The following CARD14 variants were observed in gnomAD, a reference collection of about 807,000 sequenced individuals.
The protein encoded by CARD14 is caspase recruitment domain-containing protein 14.
In CARD14, 107 loss-of-function variants were observed where a neutral mutation model predicts 111.5. That is an observed-to-expected ratio of 0.96 (90% CI 0.82 to 1.13). The LOEUF (loss-of-function observed/expected upper bound fraction) is 1.13, where lower values mean the gene tolerates loss of function less well. CARD14 is among the 50% of genes most tolerant of loss of function. The pLI is 0.00. For missense variants in CARD14, 1,322 were observed against 1,362.3 expected, an observed-to-expected ratio of 0.97 and a Z score of 0.47; for synonymous variants, 617 against 579.6, an observed-to-expected ratio of 1.06 and a Z score of -0.93.
intron 21 of CARD14, 36 bp downstream of exon 21, chr17:80,205,241 A>AC: frequency 6.4e-7 from 1 of 1,552,460 alleles, no homozygotes; most frequent in Non-Finnish European, 8.8e-7. Flanking sequence ...TACCCCTTCC[A>AC]CCTTCCCTCC....
Position 80,183,886 on chromosome 17 carries a change from C to T in CARD14, c.350-27C>T, listed in dbSNP as rs374135412. On this transcript the variant is annotated intron_variant, in intron 6 of 23. Transcript: ENST00000648509. ...CACCTATTACCTCCCTACCTGCTCACTTGCTCACCTGCCCATCTGCCCACA... is the reference window on the plus strand; with the variant it reads ...CACCTATTACCTCCCTACCTGCTCATTTGCTCACCTGCCCATCTGCCCACA... 5.5e-6 allele frequency: 8 copies of T among 1,458,588 alleles called. No individual in the cohort carries two copies. In the African/African-American group the frequency reaches 1.1e-4, roughly 21 times the overall value. The allele number at this position is 1,458,588 out of a possible 1,614,324, so 90.4% of individuals were successfully genotyped here.
Position 80,192,523 on chromosome 17 carries a change from C to T in CARD14, c.1260C>T (p.Thr420=). 1.2e-6 allele frequency: 2 copies of T among 1,613,684 alleles called. No individual in the cohort carries two copies. Among genetic ancestry groups the T allele is most frequent in the Non-Finnish European group, 1.7e-6 (2 of 1,179,836 alleles). ...PPGVLKQEAR[T]REPCPREKQR... is the part of the protein sequence containing the mutation. ...GGCAGCTCAAGCAGGAAGCCAGGAC[C>T]AGGGAGCCCTGTCCACGGGAGAAGC... The change falls in exon 12 of 24, where the codon ACC becomes ACT. Residue 420 remains threonine, a synonymous_variant. Transcript: ENST00000648509.
Position 80,202,194 on chromosome 17 carries a change from C to T in CARD14, c.1993C>T (p.Leu665Phe), listed in dbSNP as rs1403438866. Residue 665 changes from leucine (L) to phenylalanine (F), a missense_variant, in exon 18 of 24, where the codon CTC becomes TTC. Leu to Phe is a conservative substitution (Grantham distance 22, BLOSUM62 0). Transcript: ENST00000648509. ...CCTTTTATCAGGTTATAAGAGGCTA[C>T]TCCAGGACCTGGAGGCCAAAGTGGC... ...KVNTDGYKRLLQDLEAKVATS... is the reference protein window; with the variant it reads ...KVNTDGYKRLFQDLEAKVATS... 2 of 1,613,822 alleles carry T rather than the reference C, an allele frequency of 1.2e-6. No individual in the cohort carries two copies. The highest frequency in any genetic ancestry group is 2.2e-5 in the East Asian group (1 of 44,872).
At position 80,198,754 on chromosome 17, in the gene CARD14, T is replaced by C. The variant is rs1287468216; in HGVS notation, c.1851+163T>C. ...TGACGTAAAGCGTTCTGCTCATTTATAGATGAGAGTCGTGCCGTGCAGAAC... is the reference window on the plus strand; with the variant it reads ...TGACGTAAAGCGTTCTGCTCATTTACAGATGAGAGTCGTGCCGTGCAGAAC... On this transcript the variant is annotated intron_variant, in intron 16 of 23. Transcript: ENST00000648509. This position sits in a 1 kb window ranked among gnomAD's most constrained non-coding sequence, Gnocchi z 7.5. 6.5e-7 allele frequency: 1 copy of C among 1,528,614 alleles called. No individual in the cohort carries two copies. The highest frequency in any genetic ancestry group is 1.9e-5 in the Admixed American group (1 of 51,832). The allele number at this position is 1,528,614 out of a possible 1,614,324, so 94.7% of individuals were successfully genotyped here. A position where few individuals can be genotyped will look rare whatever the true frequency, so the allele number is the denominator to read the frequency against.
chr17:80,205,464 T>G, intron 21 of CARD14, 67 bp from the exon 22 acceptor site: 1 of 1,549,302 alleles, frequency 6.5e-7, no homozygotes, highest in Non-Finnish European at 8.7e-7. Flanking sequence ...CAGGGGTGTT[T>G]ACCATGGGAC....
At chr17:80,180,462 T>C (rs2040134784) in intron 4 of CARD14, among the ~76,000 whole-genome samples, 1 of 152,212 alleles carries the variant, frequency 6.6e-6, no homozygotes, top group African/African-American at 2.4e-5. Flanking sequence ...TTGTGCCCAG[T>C]GTCACTCCCC....
rs71365590 is a variant in CARD14 at position 80,176,105 on chromosome 17, CT to C, written c.-366-2388del. ...ATGAGCCACTGCACCAAGCCTGGATCTTTTTTTTTTTTTTTAAACAACTTTG... is the reference window on the plus strand; with the variant it reads ...ATGAGCCACTGCACCAAGCCTGGATCTTTTTTTTTTTTTTAAACAACTTTG... On this transcript the variant is annotated intron_variant, in intron 2 of 23. Transcript: ENST00000648509. Among the ~76,000 whole-genome samples, 599 of 135,476 alleles carry C rather than the reference CT, an allele frequency of 4.4e-3. 1 individual carries two copies. Among genetic ancestry groups the C allele is most frequent in the Admixed American group, 5.2e-3 (69 of 13,318 alleles). 88.9% of individuals were successfully genotyped at this position (135,476 alleles called of 152,430 possible). A position where few individuals can be genotyped will look rare whatever the true frequency, so the allele number is the denominator to read the frequency against.
chr17:80,192,587 G>A lies in CARD14; in HGVS notation c.1324G>A (p.Asp442Asn), dbSNP rs868861597. The A allele has an allele frequency of 5.0e-6, 8 of 1,613,148 alleles. No individual in the cohort carries two copies. The highest frequency in any genetic ancestry group is 3.3e-5 in the South Asian group (3 of 91,028). The change falls in exon 12 of 24, where the codon GAC becomes AAC. Residue 442 changes from aspartate to asparagine, a missense_variant. Physicochemically the swap from Asp to Asn is conservative, Grantham distance 23. Coordinates refer to ENST00000648509, the MANE Select transcript of CARD14 (RefSeq NM_001366385.1). ...VRMHAICPRDDSDCSLVSSTE... is the reference protein window; with the variant it reads ...VRMHAICPRDNSDCSLVSSTE... ...GATGCATGCCATCTGCCCCAGAGACGACAGCGACTGCAGCCTCGTCAGCTC... is the reference window on the plus strand; with the variant it reads ...GATGCATGCCATCTGCCCCAGAGACAACAGCGACTGCAGCCTCGTCAGCTC...
intron 9 of CARD14, 139 bp from the exon 10 acceptor site, chr17:80,190,635 A>T: frequency 2.5e-6 from 2 of 811,112 alleles, no homozygotes; most frequent in Non-Finnish European, 3.6e-6. Flanking sequence ...AAAAAGAGAG[A>T]GAGAGACGAG....
At position 80,172,872 on chromosome 17, in the gene CARD14, C is replaced by CTTTTTTTTTTTTTTTTTTTTTTTTTT. The variant is rs55912754; in HGVS notation, c.-689-33_-689-8dup. ...CCCATACTTGCTTATTCTAAACATT[C>CTTTTTTTTTTTTTTTTTTTTTTTTTT]TTTTTTTTTTTTTTTTTTTTTTTTT... On this transcript the variant is annotated intron_variant, in intron 1 of 23. Transcript: ENST00000648509. 107 of 70,792 alleles carry CTTTTTTTTTTTTTTTTTTTTTTTTTT rather than the reference C, an allele frequency of 1.5e-3. 34 individuals are homozygous for CTTTTTTTTTTTTTTTTTTTTTTTTTT. The highest frequency in any genetic ancestry group is 1.7e-3 in the Non-Finnish European group (65 of 38,694). 4.4% of individuals were successfully genotyped at this position (70,792 alleles called of 1,614,324 possible).
rs2039857951 is a variant in CARD14 at position 80,170,068 on chromosome 17, C to G, written c.-690+12C>G. ...CTGGGAGGGGGAAGGTAAGTGCGCGCAGTCCATCCGGCGAAGAGCAGGTCA... is the reference window on the plus strand; with the variant it reads ...CTGGGAGGGGGAAGGTAAGTGCGCGGAGTCCATCCGGCGAAGAGCAGGTCA... On this transcript the variant is annotated intron_variant, in intron 1 of 23. Coordinates refer to ENST00000648509, the MANE Select transcript of CARD14 (RefSeq NM_001366385.1). The G allele has an allele frequency of 6.9e-6, 1 of 144,008 alleles. No individual in the cohort carries two copies. Among genetic ancestry groups the G allele is most frequent in the African/African-American group, 2.5e-5 (1 of 39,980 alleles). 8.9% of individuals were successfully genotyped at this position (144,008 alleles called of 1,614,324 possible).
chr17:80,194,652 A>G (rs1567886097), intron 12 of CARD14, among the ~76,000 whole-genome samples: 1 of 152,200 alleles, frequency 6.6e-6, no homozygotes, highest in Admixed American at 6.5e-5. Context: ...GAAACTTACA[A>G]TCATGGCAGA....
intron 2 of CARD14, among the ~76,000 whole-genome samples, chr17:80,175,192 G>A (rs1244679724): frequency 6.6e-6 from 1 of 151,856 alleles, no homozygotes; most frequent in Non-Finnish European, 1.5e-5. Flanking sequence ...CACCCAGGCT[G>A]GTCTTGAACT....
At chr17:80,206,722 G>A (rs531529212) in intron 22 of CARD14, 7 of 216,638 alleles carry the variant, frequency 3.2e-5, no homozygotes, top group Admixed American at 1.7e-4. Flanking sequence ...AGCCGAGATC[G>A]CGCCACTGCA....
rs1384038143 is a variant in CARD14, at chr17:80,192,639, C to A, written c.1356+20C>A. The A allele has an allele frequency of 6.3e-7, 1 of 1,580,252 alleles. No homozygotes were observed. On this transcript the variant is annotated intron_variant, in intron 12 of 23. Coordinates refer to ENST00000648509, the MANE Select transcript of CARD14 (RefSeq NM_001366385.1). ...ACAGAGGTACGGCCGCTCCTCCCGC[C>A]TCCCTCACTGCCTTGACCCTCTGGG...
Position 80,201,355 on chromosome 17 carries a change from C to G in CARD14, c.1852-389C>G, listed in dbSNP as rs369410888. ...ATGCCACTCAGCATCCTGTAGGGCC[C>G]GGTATAGCCCGCAGCAGCACAGAAT... On this transcript the variant is annotated intron_variant, in intron 16 of 23. Coordinates refer to ENST00000648509, the MANE Select transcript of CARD14 (RefSeq NM_001366385.1). The surrounding 1 kb of genome is among the most constrained non-coding windows in gnomAD (Gnocchi z 5.0). The G allele has an allele frequency of 2.0e-5, 4 of 195,884 alleles. No homozygotes were observed. Among genetic ancestry groups the G allele is most frequent in the African/African-American group, 9.6e-5 (4 of 41,464 alleles). The allele number at this position is 195,884 out of a possible 1,614,324, so 12.1% of individuals were successfully genotyped here.
At chr17:80,190,520 C>T (rs548843225) in intron 9 of CARD14, among the ~76,000 whole-genome samples, 177 of 150,626 alleles carry the variant, frequency 1.2e-3, no homozygotes, top group Non-Finnish European at 2.0e-3. Flanking sequence ...GACTGAGGCA[C>T]GAGAATCGCT....
chr17:80,191,023 T>G, intron 10 of CARD14, 124 bp downstream of exon 10: 2 of 1,343,152 alleles, frequency 1.5e-6, no homozygotes, highest in Non-Finnish European at 2.0e-6. Context: ...TCAGGGTCTC[T>G]TTCCTCGGTC....
In CARD14 at chr17:80,182,625, G is replaced by A; in HGVS notation, c.212-28G>A. 3 of 1,612,766 alleles carry A rather than the reference G, an allele frequency of 1.9e-6. No individual in the cohort carries two copies. The highest frequency in any genetic ancestry group is 2.5e-6 in the Non-Finnish European group (3 of 1,179,506). ...CCAGCCCCCTTGGTAGCTGGGTTCT[G>A]CCCAGACAGACGGTTCTGCCTCCCA... On this transcript the variant is annotated intron_variant, in intron 5 of 23. Coordinates refer to ENST00000648509, the MANE Select transcript of CARD14 (RefSeq NM_001366385.1). The surrounding 1 kb of genome is among the most constrained non-coding windows in gnomAD (Gnocchi z 4.7).
Sources: gnomAD v4.1 joint callset for allele counts (sites outside exome capture counted in the v4.1 genomes callset) on GRCh38, gnomAD v4.1.1 for gene constraint, Gnocchi (gnomAD v3.1) non-coding constraint, MANE v1.5 for transcripts, NCBI Gene and HGNC (gene_info 2026-07-23, HGNC 2026-07-21) for gene names.